CHD4: variants seen among roughly 807,000 people sequenced by gnomAD.
The protein encoded by CHD4 is chromodomain helicase DNA binding protein 4.
In CHD4, 35 loss-of-function variants were observed where a neutral mutation model predicts 235.5. The ratio of observed to expected loss-of-function variants is 0.15; its 90% CI spans 0.11 to 0.20. CHD4 has a LOEUF of 0.20. CHD4 is among the 10% of genes least tolerant of loss of function. The pLI, the probability that CHD4 is intolerant of heterozygous loss-of-function variation, is 1.00. For synonymous variants in CHD4, 900 were observed against 850.2 expected (o/e 1.06, Z -1.02); for missense variants, 1,329 against 2,432.3 (o/e 0.55, Z 9.54).
At chr12:6,592,370 T>A (rs750244207) in intron 19 of CHD4, 23 bp downstream of exon 19, 3 of 1,559,372 alleles carry the variant, frequency 1.9e-6, no homozygotes, top group Non-Finnish European at 2.6e-6. Flanking sequence ...AAATGGAGTC[T>A]GCTTCTGTCC....
At chr12:6,579,037 G>A (rs1341413689) in intron 33 of CHD4, 120 bp from the exon 34 acceptor site, 1 of 904,192 alleles carries the variant, frequency 1.1e-6, no homozygotes, top group Non-Finnish European at 1.7e-6. Context: ...AATGTCAGCT[G>A]GGCATGGTGG....
intron 33 of CHD4, chr12:6,580,558 T>G (rs1174456547): frequency 6.5e-6 from 1 of 153,304 alleles, no homozygotes; most frequent in African/African-American, 2.4e-5. Context: ...AAATACAAAA[T>G]TAGCTGAGCA....
Position 6,583,043 on chromosome 12 carries a change from A to C in CHD4, c.4131T>G (p.Phe1377Leu). ...AGCCCTCACCTTCTGAACGTTCATC[A>C]AAGTCTTCATCACCTTCCTCTGAAG... ...SVASEEGDED[F>L]DERSEAPRRP... Residue 1377 changes from phenylalanine (F) to leucine (L), a missense_variant, in exon 27 of 40, where the codon TTT becomes TTG. By Grantham distance (22) the Phe-to-Leu change is conservative (BLOSUM62 0). Transcript: ENST00000544040. 1 of 1,571,056 alleles carries C rather than the reference A, an allele frequency of 6.4e-7. No individual in the cohort carries two copies. Among genetic ancestry groups the C allele is most frequent in the Non-Finnish European group, 8.6e-7 (1 of 1,160,594 alleles).
At chr12:6,589,413 G>A (rs1332412724) in intron 22 of CHD4, among the ~76,000 whole-genome samples, 1 of 152,158 alleles carries the variant, frequency 6.6e-6, no homozygotes, top group Admixed American at 6.5e-5. Flanking sequence ...CAGTGATCAA[G>A]TCATTACCAG....
chr12:6,586,103 A>T (rs1414210579), intron 25 of CHD4, among the ~76,000 whole-genome samples: 1 of 150,602 alleles, frequency 6.6e-6, no homozygotes, highest in Non-Finnish European at 1.5e-5. Flanking sequence ...CCGTATCAAA[A>T]AAAAAATATA....
chr12:6,599,522 A>G (rs1301517288), intron 10 of CHD4, among the ~76,000 whole-genome samples: 1 of 152,204 alleles, frequency 6.6e-6, no homozygotes, highest in Non-Finnish European at 1.5e-5. Context: ...ACACAGGGAC[A>G]AATGTTCTCA....
At chr12:6,573,379 T>A (rs142396791) in intron 37 of CHD4, 110 bp from the exon 38 acceptor site, 1 of 896,716 alleles carries the variant, frequency 1.1e-6, no homozygotes, top group East Asian at 3.2e-5. Context: ...TAAGAACCTA[T>A]GAAGAACTTC....
chr12:6,581,272 C>T lies in CHD4; in HGVS notation c.4779+19G>A. The T allele has an allele frequency of 1.2e-6, 2 of 1,613,912 alleles. No individual in the cohort carries two copies. Among genetic ancestry groups the T allele is most frequent in the Non-Finnish European group, 1.7e-6 (2 of 1,179,916 alleles). On this transcript the variant is annotated intron_variant, in intron 32 of 39. Transcript: ENST00000544040. ...ACACATTTGTCTTTAGTATGGCATT[C>T]AGTCACCCCATCTCTTACCTCAATG...
intron 2 of CHD4, among the ~76,000 whole-genome samples, chr12:6,603,523 G>A (rs1011953818): frequency 5.4e-5 from 8 of 148,960 alleles, no homozygotes; most frequent in African/African-American, 2.0e-4. Context: ...AGGACAGACA[G>A]GAAGTGGCAG....
In CHD4 at chr12:6,600,520, G is replaced by A. The variant is rs1247020268; in HGVS notation, c.1063+14C>T. The A allele has an allele frequency of 3.8e-6, 6 of 1,589,326 alleles. No individual in the cohort carries two copies. The highest frequency in any genetic ancestry group is 1.7e-4 in the Middle Eastern group (1 of 5,976). ...CACCTCATCCCATCACAAATATACA[G>A]AAGAGAAACACACCTTTCTTTTTCT... On this transcript the variant is annotated intron_variant, in intron 8 of 39. Transcript: ENST00000544040.
chr12:6,590,663 T>C (rs1215378788), intron 22 of CHD4, among the ~76,000 whole-genome samples: 2 of 151,936 alleles, frequency 1.3e-5, no homozygotes, highest in African/African-American at 4.8e-5. Flanking sequence ...TACAAAAAAA[T>C]TTTTTTAGTT....
At chr12:6,590,524 CA>C in intron 22 of CHD4, among the ~76,000 whole-genome samples, 1 of 150,790 alleles carries the variant, frequency 6.6e-6, no homozygotes, top group East Asian at 2.0e-4. Context: ...TTTTTTTAAA[CA>C]AGGAGTAGTG....
At chr12:6,597,779 A>T (rs1948525150) in intron 12 of CHD4, 115 bp downstream of exon 12, 2 of 984,886 alleles carry the variant, frequency 2.0e-6, no homozygotes. Context: ...ACAAAAAACA[A>T]ACAAAAAAAA....
chr12:6,606,288 G>C lies in CHD4; in HGVS notation c.86C>G (p.Pro29Arg). Residue 29 changes from proline to arginine, a missense_variant, in exon 2 of 40, where the codon CCC (proline) becomes CGC (arginine). Physicochemically the swap from Pro to Arg is moderately radical, Grantham distance 103 (BLOSUM62 -2). Around this residue, in one of 26 missense-constraint regions of CHD4, gnomAD observed 213 missense variants for 177.5 expected, o/e 1.20. Coordinates refer to ENST00000544040, the MANE Select transcript of CHD4 (RefSeq NM_001273.5). ...DMDALLNNSL[P>R]PPHPENEEDP... ...GAAGATGTTACCTGGGTGGGGTGGG[G>C]GCAGGCTGTTGTTCAAAAGTGCATC... 1 of 1,578,490 alleles carries C rather than the reference G, an allele frequency of 6.3e-7. No homozygotes were observed. Among genetic ancestry groups the C allele is most frequent in the Non-Finnish European group, 8.6e-7 (1 of 1,163,094 alleles).
intron 10 of CHD4, among the ~76,000 whole-genome samples, chr12:6,599,265 C>T (rs1948549061): frequency 6.6e-6 from 1 of 151,974 alleles, no homozygotes; most frequent in South Asian, 2.1e-4. Flanking sequence ...GACCCTGTCT[C>T]AACAGAGATT....
chr12:6,601,020 G>A lies in CHD4; in HGVS notation c.833C>T (p.Pro278Leu). 6.3e-7 allele frequency: 1 copy of A among 1,598,454 alleles called. No individual in the cohort carries two copies. Among genetic ancestry groups the A allele is most frequent in the Non-Finnish European group, 8.5e-7 (1 of 1,174,836 alleles). ...AGGCTTCTTGGCATCAGGTACACGA[G>A]GGCTGCCCTTGGGCTTCCTCCGAGC... ...PNARRKPKGS[P>L]RVPDAKKPKP... The change falls in exon 7 of 40, where the codon CCT becomes CTT. Residue 278 changes from proline (P) to leucine (L), a missense_variant. Pro to Leu is a moderately conservative substitution (Grantham distance 98). Around this residue, in one of 26 missense-constraint regions of CHD4, gnomAD observed 160 missense variants for 196.6 expected, o/e 0.81. Coordinates refer to ENST00000544040, the MANE Select transcript of CHD4 (RefSeq NM_001273.5).
Position 6,579,004 on chromosome 12 carries a change from A to G in CHD4, c.4910-87T>C, listed in dbSNP as rs1948122579. On this transcript the variant is annotated intron_variant, in intron 33 of 39. Transcript: ENST00000544040. Reference sequence around the variant, plus strand: ...CTATTATCCAATTGGATAGACCCACATCTAAATGTCTGCAATTACAGTAAT... The same window carrying G: ...CTATTATCCAATTGGATAGACCCACGTCTAAATGTCTGCAATTACAGTAAT... 5.6e-6 allele frequency: 7 copies of G among 1,256,130 alleles called. No individual in the cohort carries two copies. In the East Asian group the frequency reaches 1.6e-4, roughly 29 times the overall value. 77.8% of individuals were successfully genotyped at this position (1,256,130 alleles called of 1,614,324 possible).
rs763316829 is a variant in CHD4, at chr12:6,581,164, C to A, written c.4789G>T (p.Ala1597Ser). Residue 1597 changes from alanine (A) to serine (S), a missense_variant, in exon 33 of 40, where the codon GCC becomes TCC. This residue lies in a region of CHD4 where 219 missense variants were observed against 219.3 expected (regional missense o/e 1.00). Transcript: ENST00000544040. The stretch of plus-strand genomic sequence containing the variant: ...TCATCCTCTGAGGCAGGGGCAGGGG[C>A]CTGTGTACACTTCAAAGGAAAAAAA... ...APETAIECTQAPAPASEDEKV... is the reference protein window; with the variant it reads ...APETAIECTQSPAPASEDEKV... 2 of 1,613,810 alleles carry A rather than the reference C, an allele frequency of 1.2e-6. No homozygotes were observed. Among genetic ancestry groups the A allele is most frequent in the East Asian group, 2.2e-5 (1 of 44,884 alleles).
At chr12:6,602,686 C>G (rs1352886923) in intron 2 of CHD4, among the ~76,000 whole-genome samples, 189 bp from the exon 3 acceptor site, 1 of 152,162 alleles carries the variant, frequency 6.6e-6, no homozygotes, top group Non-Finnish European at 1.5e-5. Flanking sequence ...GCTGTATATA[C>G]CCGAAATAGG....
Sources: gnomAD v4.1 joint callset for allele counts (sites outside exome capture counted in the v4.1 genomes callset) on GRCh38, gnomAD v4.1.1 for gene constraint, gnomAD v4.1.1 regional missense constraint, MANE v1.5 for transcripts, NCBI Gene and HGNC (gene_info 2026-07-23, HGNC 2026-07-21) for gene names.